PDCD1LG2: variants seen among roughly 807,000 people sequenced by gnomAD.
PDCD1LG2 encodes programmed cell death 1 ligand 2, also known as B7 dendritic cell molecule.
Under a neutral mutation model 28.2 loss-of-function variants are expected in PDCD1LG2, and 32 were observed. The ratio of observed to expected loss-of-function variants is 1.13; its 90% confidence interval spans 0.86 to 1.52. PDCD1LG2 has a LOEUF of 1.52. Ranked by LOEUF, PDCD1LG2 falls within the 40% of genes most tolerant of loss-of-function variation. The probability of loss-of-function intolerance (pLI) is 0.00; values close to 1 mark genes in which losing one functional copy is unlikely to be tolerated. For synonymous variants in PDCD1LG2, 116 were observed against 120.2 expected (o/e 0.97, Z 0.23); for missense variants, 385 against 323.8 (o/e 1.19, Z -1.45).
intron 1 of PDCD1LG2, among the ~76,000 whole-genome samples, chr9:5,513,944 A>G (rs1008790997): frequency 6.6e-6 from 1 of 152,256 alleles, no homozygotes; most frequent in Non-Finnish European, 1.5e-5. Flanking sequence ...ACTTGGCTTC[A>G]AAACAGTGGT....
At chr9:5,526,496 G>A (rs1820382212) in intron 2 of PDCD1LG2, among the ~76,000 whole-genome samples, 1 of 152,088 alleles carries the variant, frequency 6.6e-6, no homozygotes, top group Admixed American at 6.5e-5. Flanking sequence ...GGAGTGCAGT[G>A]GCCCAACCAC....
intron 1 of PDCD1LG2, among the ~76,000 whole-genome samples, chr9:5,512,074 G>T (rs1385882848): frequency 6.6e-6 from 1 of 152,238 alleles, no homozygotes; most frequent in Non-Finnish European, 1.5e-5. Context: ...GGTAGAGACA[G>T]TATTATGGGT....
intron 2 of PDCD1LG2, among the ~76,000 whole-genome samples, chr9:5,529,321 T>C (rs1242620333): frequency 6.6e-6 from 1 of 152,224 alleles, no homozygotes. Flanking sequence ...ATTTTAATTT[T>C]TATATAAGGT....
rs746751536 is a variant in PDCD1LG2 at position 5,534,873 on chromosome 9, G to A, written c.184G>A (p.Val62Met). The A allele has an allele frequency of 1.9e-6, 3 of 1,614,192 alleles. No homozygotes were observed. The highest frequency in any genetic ancestry group is 1.6e-4 in the Middle Eastern group (1 of 6,062). ...AGCAATAACAGCCAGTTTGCAAAAG[G>A]TGGAAAATGATACATCCCCACACCG... is the stretch of plus-strand genomic sequence containing the variant. ...LGAITASLQK[V>M]ENDTSPHRER... Residue 62 changes from valine to methionine, a missense_variant, in exon 3 of 7, where the codon GTG becomes ATG. Coordinates refer to ENST00000397747, the MANE Select transcript of PDCD1LG2 (RefSeq NM_025239.4).
chr9:5,549,273 G>A (rs189491200), intron 3 of PDCD1LG2, 62 bp from the exon 4 acceptor site: 2 of 1,468,430 alleles, frequency 1.4e-6, no homozygotes, highest in Non-Finnish European at 1.8e-6. Flanking sequence ...ATGGCATGAA[G>A]TACCAAGCTC....
rs184395510 is a variant in PDCD1LG2 at position 5,512,242 on chromosome 9, C to T, written c.-15+1439C>T. ...TAAAGGGGCAACTGTAGTATCACCTCCTCATGCCACACCCTGCTCCACTGT... is the reference window on the plus strand; with the variant it reads ...TAAAGGGGCAACTGTAGTATCACCTTCTCATGCCACACCCTGCTCCACTGT... On this transcript the variant is annotated intron_variant, in intron 1 of 6. Transcript: ENST00000397747. Among the ~76,000 whole-genome samples, 18 of 152,336 alleles carry T rather than the reference C, an allele frequency of 1.2e-4. No individual in the cohort carries two copies. In the East Asian group the frequency reaches 3.5e-3, roughly 29 times the overall value.
intron 3 of PDCD1LG2, among the ~76,000 whole-genome samples, chr9:5,544,026 C>T (rs905074826): frequency 5.3e-5 from 8 of 152,158 alleles, no homozygotes; most frequent in Non-Finnish European, 8.8e-5. Context: ...TGTAAAACTA[C>T]ATTTTTCCAT....
At chr9:5,545,936 C>A (rs901176099) in intron 3 of PDCD1LG2, among the ~76,000 whole-genome samples, 1 of 152,112 alleles carries the variant, frequency 6.6e-6, no homozygotes, top group Non-Finnish European at 1.5e-5. Flanking sequence ...AGTACTTCCG[C>A]CTCTTAAATT....
At chr9:5,520,493 G>T (rs1820252952) in intron 1 of PDCD1LG2, among the ~76,000 whole-genome samples, 1 of 152,090 alleles carries the variant, frequency 6.6e-6, no homozygotes, top group South Asian at 2.1e-4. Flanking sequence ...TTGTTCTTTT[G>T]CATGTGGACA....
chr9:5,538,110 A>G (rs1246331681), intron 3 of PDCD1LG2, among the ~76,000 whole-genome samples: 1 of 152,192 alleles, frequency 6.6e-6, no homozygotes, highest in East Asian at 1.9e-4. Context: ...TAGACAGAGA[A>G]GAATTTTTTC....
chr9:5,566,899 G>T (rs1458001908), intron 6 of PDCD1LG2, among the ~76,000 whole-genome samples: 1 of 152,066 alleles, frequency 6.6e-6, no homozygotes, highest in African/African-American at 2.4e-5. Flanking sequence ...GTTATTTATA[G>T]ACTCACCATA....
At position 5,516,356 on chromosome 9, in the gene PDCD1LG2, AG is replaced by A. The variant is rs1359004411; in HGVS notation, c.-15+5556del. ...TGAGCCACTGAGCCCGGTCGAGTCC[AG>A]GGTTTTTACAGGCTCAGAAGGGAGG... On this transcript the variant is annotated intron_variant, in intron 1 of 6. Coordinates refer to ENST00000397747, the MANE Select transcript of PDCD1LG2 (RefSeq NM_025239.4). Among the ~76,000 whole-genome samples the A allele has an allele frequency of 3.9e-5, 6 of 152,164 alleles. No individual in the cohort carries two copies. The East Asian group carries it at 1.2e-3, about 29-fold the overall frequency.
intron 6 of PDCD1LG2, among the ~76,000 whole-genome samples, chr9:5,568,303 G>A (rs1427404286): frequency 6.6e-6 from 1 of 152,210 alleles, no homozygotes; most frequent in Non-Finnish European, 1.5e-5. Context: ...AGCAGGAGGT[G>A]AGCGGGAGAC....
In PDCD1LG2 at chr9:5,570,588, G is replaced by A. The variant is rs558806826; in HGVS notation, c.*629G>A. The A allele has an allele frequency of 1.7e-4, 39 of 232,620 alleles. 1 individual carries two copies. The highest frequency in any genetic ancestry group is 8.2e-4 in the African/African-American group (37 of 45,394). The allele number at this position is 232,620 out of a possible 1,614,324, so 14.4% of individuals were successfully genotyped here. On this transcript the variant is annotated 3_prime_UTR_variant, in exon 7 of 7. Coordinates refer to ENST00000397747, the MANE Select transcript of PDCD1LG2 (RefSeq NM_025239.4). ...TAAAGTCATCAAGCTCTGTTTTTGA[G>A]GTCTAAGTCACAAAGCATTTGTTTT...
At chr9:5,558,852 G>A (rs954502870) in intron 5 of PDCD1LG2, among the ~76,000 whole-genome samples, 5 of 152,188 alleles carry the variant, frequency 3.3e-5, no homozygotes, top group African/African-American at 1.2e-4. Context: ...AGGAGATGGA[G>A]AAGAAGAAAG....
intron 2 of PDCD1LG2, among the ~76,000 whole-genome samples, chr9:5,525,915 C>T (rs926931087): frequency 1.3e-5 from 2 of 152,014 alleles, no homozygotes; most frequent in Admixed American, 6.5e-5. Context: ...GGCATGGTGG[C>T]ACAAGCCTGT....
chr9:5,570,227 G>A lies in PDCD1LG2; in HGVS notation c.*268G>A. On this transcript the variant is annotated 3_prime_UTR_variant, in exon 7 of 7. Coordinates refer to ENST00000397747, the MANE Select transcript of PDCD1LG2 (RefSeq NM_025239.4). ...TACAGAATTACCCCACTGGATCCTGGACCCACAGAATTCCTTCAGGATCCT... is the reference window on the plus strand; with the variant it reads ...TACAGAATTACCCCACTGGATCCTGAACCCACAGAATTCCTTCAGGATCCT... 1 of 390,020 alleles carries A rather than the reference G, an allele frequency of 2.6e-6. No homozygotes were observed. Among genetic ancestry groups the A allele is most frequent in the Non-Finnish European group, 4.6e-6 (1 of 217,298 alleles). 24.2% of individuals were successfully genotyped at this position (390,020 alleles called of 1,614,324 possible).
chr9:5,552,415 G>T (rs897522747), intron 4 of PDCD1LG2, among the ~76,000 whole-genome samples: 2 of 152,164 alleles, frequency 1.3e-5, no homozygotes, highest in Non-Finnish European at 2.9e-5. Flanking sequence ...ATTCAGCAGA[G>T]CCTAAATGTG....
intron 1 of PDCD1LG2, among the ~76,000 whole-genome samples, chr9:5,521,322 A>T (rs1414130417): frequency 6.6e-6 from 1 of 152,236 alleles, no homozygotes; most frequent in Admixed American, 6.5e-5. Flanking sequence ...CTCCGTGAAC[A>T]TACTAAAAAC....
Sources: gnomAD v4.1 joint callset for allele counts (sites outside exome capture counted in the v4.1 genomes callset) on GRCh38, gnomAD v4.1.1 for gene constraint, MANE v1.5 for transcripts, NCBI Gene and HGNC (gene_info 2026-07-23, HGNC 2026-07-21) for gene names.